The following MKLN1 variants were observed in gnomAD, a reference collection of about 807,000 sequenced individuals.
MKLN1 encodes the protein muskelin.
A neutral mutation model predicts 99.0 loss-of-function variants in MKLN1; 18 were observed. The observed-to-expected ratio is 0.18, with a 90% confidence interval of 0.13 to 0.27. MKLN1 has a LOEUF of 0.27. MKLN1 is among the 10% of genes least tolerant of loss of function. MKLN1 has a pLI of 1.00. For missense variants in MKLN1, 621 were observed against 875.9 expected (o/e 0.71, Z 3.67); for synonymous variants, 288 against 293.2 (o/e 0.98, Z 0.18).
At chr7:131,270,851 C>G (rs1252468696) in intron 3 of MKLN1, among the ~76,000 whole-genome samples, 3 of 149,590 alleles carry the variant, frequency 2.0e-5, no homozygotes, top group Non-Finnish European at 3.0e-5. Context: ...AATGGATAAC[C>G]TTGAATCACC....
chr7:131,323,278 G>A (rs1441816600), upstream of MKLN1: 1 of 152,222 alleles, frequency 6.6e-6, no homozygotes, highest in Non-Finnish European at 1.5e-5. Flanking sequence ...TCAGATCACA[G>A]GGCTGGAAGG....
intron 1 of MKLN1, among the ~76,000 whole-genome samples, chr7:131,126,994 C>T (rs964754115): frequency 1.3e-5 from 2 of 151,988 alleles, no homozygotes; most frequent in Admixed American, 6.5e-5. Flanking sequence ...GGAAAAACTC[C>T]GTCTCTACTA....
chr7:131,178,866 C>T (rs979249452), intron 2 of MKLN1, among the ~76,000 whole-genome samples: 2 of 152,172 alleles, frequency 1.3e-5, no homozygotes, highest in Non-Finnish European at 2.9e-5. Flanking sequence ...TGCCTTTTGA[C>T]ACAGAGATTC....
At chr7:131,136,213 A>T (rs1469305667) in intron 1 of MKLN1, among the ~76,000 whole-genome samples, 1 of 152,206 alleles carries the variant, frequency 6.6e-6, no homozygotes, top group African/African-American at 2.4e-5. Context: ...GGGGTTCCTG[A>T]GAATAAGCCT....
At chr7:131,449,327 C>T (rs1484658259) in intron 12 of MKLN1, among the ~76,000 whole-genome samples, 1 of 152,156 alleles carries the variant, frequency 6.6e-6, no homozygotes, top group African/African-American at 2.4e-5. Flanking sequence ...TGCCTTGTTA[C>T]AAATGCAAGG....
intron 2 of MKLN1, among the ~76,000 whole-genome samples, chr7:131,186,231 G>A (rs1363429457): frequency 6.6e-6 from 1 of 151,132 alleles, no homozygotes; most frequent in Non-Finnish European, 1.5e-5. Flanking sequence ...GACCAGGTAT[G>A]GGTGGCTCAC....
rs1796569483 is a variant in MKLN1 at position 131,463,256 on chromosome 7, C to G, written c.1565C>G (p.Pro522Arg). ...TTTACACAGAGAGCAACTATTGATC[C>G]AGAACTGAATGAAATACACGTCTTA... The part of the protein sequence containing the change: ...TGFTQRATID[P>R]ELNEIHVLSG... Residue 522 changes from proline to arginine, a missense_variant, in exon 13 of 18, where the codon CCA becomes CGA. Pro to Arg is a moderately radical substitution (Grantham distance 103, BLOSUM62 -2). Transcript: ENST00000352689. 2.5e-6 allele frequency: 4 copies of G among 1,611,354 alleles called. No homozygotes were observed. Among genetic ancestry groups the G allele is most frequent in the African/African-American group, 1.3e-5 (1 of 74,646 alleles).
At chr7:131,192,649 C>T (rs1038337241) in intron 2 of MKLN1, among the ~76,000 whole-genome samples, 4 of 151,480 alleles carry the variant, frequency 2.6e-5, no homozygotes, top group African/African-American at 9.7e-5. Flanking sequence ...TCAAACAATT[C>T]TCCTGCCTCA....
intron 3 of MKLN1, among the ~76,000 whole-genome samples, chr7:131,273,636 T>G (rs1306944214): frequency 6.6e-6 from 1 of 151,672 alleles, no homozygotes; most frequent in Non-Finnish European, 1.5e-5. Context: ...TCCTTTTTTT[T>G]TTTTTTGTGA....
intron 12 of MKLN1, among the ~76,000 whole-genome samples, chr7:131,455,758 T>G (rs1796314022): frequency 6.6e-6 from 1 of 152,128 alleles, no homozygotes; most frequent in Admixed American, 6.6e-5. Flanking sequence ...TAGAAACTGT[T>G]AAATTGGCCA....
chr7:131,377,295 G>A (rs1793692942), intron 2 of MKLN1, among the ~76,000 whole-genome samples: 1 of 152,080 alleles, frequency 6.6e-6, no homozygotes, highest in South Asian at 2.1e-4. Flanking sequence ...TCCTCTTAAT[G>A]GTTGTTTATG....
At chr7:131,430,980 G>A (rs952029135) in intron 9 of MKLN1, among the ~76,000 whole-genome samples, 7 of 152,080 alleles carry the variant, frequency 4.6e-5, no homozygotes, top group African/African-American at 1.2e-4. Flanking sequence ...CCAGCACTTC[G>A]GGAGAGCGAG....
intron 3 of MKLN1, among the ~76,000 whole-genome samples, chr7:131,256,774 AAAT>A (rs1797663895): frequency 6.6e-6 from 1 of 152,192 alleles, no homozygotes; most frequent in African/African-American, 2.4e-5. Flanking sequence ...ACAAATATGG[AAAT>A]AATAGACACA....
In MKLN1 at chr7:131,264,651, G is replaced by GTTT. The variant is rs946496534; in HGVS notation, c.-179+61683_-179+61685dup. Reference sequence around the variant, plus strand: ...TTTTGGGTCCCCGGAGGGTTTTTGGGTTTTTTTTCTTTTTAGTTATTATTG... The same window carrying GTTT: ...TTTTGGGTCCCCGGAGGGTTTTTGGGTTTTTTTTTTTCTTTTTAGTTATTATTG... On this transcript the variant is annotated intron_variant, in intron 3 of 7. Transcript: ENST00000416992. Among the ~76,000 whole-genome samples, 5 of 151,374 alleles carry GTTT rather than the reference G, an allele frequency of 3.3e-5. No individual in the cohort carries two copies. The East Asian group carries it at 9.7e-4, about 29-fold the overall frequency.
chr7:131,208,778 G>T (rs1373789261), intron 3 of MKLN1, among the ~76,000 whole-genome samples: 1 of 152,188 alleles, frequency 6.6e-6, no homozygotes, highest in African/African-American at 2.4e-5. Flanking sequence ...AACAGATGAG[G>T]TCCCAGCTCT....
chr7:131,259,037 G>A (rs1481945012), intron 3 of MKLN1, among the ~76,000 whole-genome samples: 4 of 152,078 alleles, frequency 2.6e-5, no homozygotes, highest in African/African-American at 7.2e-5. Context: ...GCAATGATTC[G>A]CTGTACAGAC....
chr7:131,188,287 C>G (rs1170391699), intron 2 of MKLN1, among the ~76,000 whole-genome samples: 1 of 152,230 alleles, frequency 6.6e-6, no homozygotes, highest in African/African-American at 2.4e-5. Context: ...TTACCTGTTA[C>G]TTCATAACAA....
chr7:131,293,085 A>C (rs1798245261), intron 3 of MKLN1, among the ~76,000 whole-genome samples: 1 of 152,206 alleles, frequency 6.6e-6, no homozygotes, highest in Non-Finnish European at 1.5e-5. Context: ...TTGAAGTGAC[A>C]GAGTGCCAGC....
chr7:131,496,183 T>G lies in MKLN1; in HGVS notation c.*8455T>G, dbSNP rs190371743. 1 of 152,250 alleles carries G rather than the reference T, an allele frequency of 6.6e-6. No homozygotes were observed. Among genetic ancestry groups the G allele is most frequent in the East Asian group, 1.9e-4 (1 of 5,188 alleles). 9.4% of individuals were successfully genotyped at this position (152,250 alleles called of 1,614,324 possible). A position where few individuals can be genotyped will look rare whatever the true frequency, so the allele number is the denominator to read the frequency against. Reference sequence around the variant, plus strand: ...CCGCTAACTTGTTTGGTTCTACTCTTACCCCCTCTTCTGTGGCAATGTGGG... The same window carrying G: ...CCGCTAACTTGTTTGGTTCTACTCTGACCCCCTCTTCTGTGGCAATGTGGG... On this transcript the variant is annotated 3_prime_UTR_variant, in exon 18 of 18. Coordinates refer to ENST00000352689, the MANE Select transcript of MKLN1 (RefSeq NM_013255.5).
Sources: allele counts gnomAD v4.1 joint callset (sites outside exome capture counted in the v4.1 genomes callset), GRCh38; gene constraint gnomAD v4.1.1; transcripts MANE v1.5; gene names NCBI Gene and HGNC (gene_info 2026-07-23, HGNC 2026-07-21).